Variants in GPLD1 observed in about 807,000 individuals in gnomAD.
GPLD1 encodes the protein glycosylphosphatidylinositol specific phospholipase D1, also known as phosphatidylinositol-glycan-specific phospholipase D.
In GPLD1, 84 loss-of-function variants were observed where a neutral mutation model predicts 112.6. That is an observed-to-expected ratio of 0.75 (90% CI 0.63 to 0.89). GPLD1 has a LOEUF of 0.89. Ranked by LOEUF, GPLD1 falls within the 40% of genes least tolerant of loss-of-function variation. The pLI is 0.00. For synonymous variants in GPLD1, 386 were observed against 403.8 expected, an observed-to-expected ratio of 0.96 and a Z score of 0.53; for missense variants, 1,044 against 1,051.5, an observed-to-expected ratio of 0.99 and a Z score of 0.10.
rs1343734937 is a variant in GPLD1, at chr6:24,428,021, C to A, written c.*1011G>T. Among the ~76,000 whole-genome samples, 1 of 151,820 alleles carries A rather than the reference C, an allele frequency of 6.6e-6. No homozygotes were observed. Among genetic ancestry groups the A allele is most frequent in the Non-Finnish European group, 1.5e-5 (1 of 67,948 alleles). On this transcript the variant is annotated 3_prime_UTR_variant, in exon 25 of 25. Transcript: ENST00000230036. ...ACTTGAGTGGGGAAGGTGGGAGGAA[C>A]AGAAAAGATAAAACCTTCACATGTA...
At chr6:24,429,198 T>C in intron 24 of GPLD1, 80 bp from the exon 25 acceptor site, 1 of 821,100 alleles carries the variant, frequency 1.2e-6, no homozygotes, top group Non-Finnish European at 2.0e-6. Flanking sequence ...CATCATGCTA[T>C]GCTCTAGAAA....
chr6:24,472,533 C>A (rs755933270), intron 7 of GPLD1, 49 bp downstream of exon 7: 1 of 1,029,966 alleles, frequency 9.7e-7, no homozygotes, highest in Non-Finnish European at 1.5e-6. Context: ...AAAGTCAAGG[C>A]TCTAAATGCC....
rs532630454 is a variant in GPLD1, at chr6:24,429,933, A to C, written c.2437-815T>G. Among the ~76,000 whole-genome samples the C allele has an allele frequency of 6.1e-4, 93 of 152,360 alleles. 1 individual carries two copies. The highest frequency in any genetic ancestry group is 1.0e-3 in the Non-Finnish European group (69 of 68,038). On this transcript the variant is annotated intron_variant, in intron 24 of 24. Coordinates refer to ENST00000230036, the MANE Select transcript of GPLD1 (RefSeq NM_001503.4). Reference sequence around the variant, plus strand: ...ACTGACAAAAGTTATTCTGAACCAAAGCTGGCACATGAGGTACGGGTGATC... The same window carrying C: ...ACTGACAAAAGTTATTCTGAACCAACGCTGGCACATGAGGTACGGGTGATC...
intron 10 of GPLD1, among the ~76,000 whole-genome samples, chr6:24,466,057 G>C (rs527433345): frequency 2.0e-4 from 31 of 152,306 alleles, no homozygotes; most frequent in African/African-American, 7.0e-4. Flanking sequence ...AAAAGAAACA[G>C]ATGGAGGCTG....
chr6:24,430,728 G>A (rs938453480), intron 24 of GPLD1, among the ~76,000 whole-genome samples: 9 of 152,112 alleles, frequency 5.9e-5, no homozygotes, highest in African/African-American at 1.7e-4. Context: ...TCAGAAAAAG[G>A]CCACTCTGAT....
At chr6:24,436,442 A>G in intron 22 of GPLD1, 134 bp downstream of exon 22, 1 of 722,658 alleles carries the variant, frequency 1.4e-6, no homozygotes, top group Non-Finnish European at 2.3e-6. Flanking sequence ...CCCACAAAAC[A>G]TGGACAGATG....
At chr6:24,451,719 G>T (rs1763095386) in intron 14 of GPLD1, among the ~76,000 whole-genome samples, 1 of 152,314 alleles carries the variant, frequency 6.6e-6, no homozygotes, top group East Asian at 1.9e-4. Context: ...ACATGCTGAA[G>T]GACCCACGTC....
chr6:24,429,879 T>A (rs1762349524), intron 24 of GPLD1, among the ~76,000 whole-genome samples: 1 of 152,346 alleles, frequency 6.6e-6, no homozygotes, highest in South Asian at 2.1e-4. Flanking sequence ...CAAATCTTCA[T>A]ACTCCGAGGT....
chr6:24,450,113 A>C (rs989769495), intron 14 of GPLD1, among the ~76,000 whole-genome samples: 2 of 152,244 alleles, frequency 1.3e-5, no homozygotes, highest in Non-Finnish European at 2.9e-5. Context: ...GAGGGGAAGC[A>C]GAGATGCCAG....
rs772094979 is a variant in GPLD1, at chr6:24,456,588, A to G, written c.1058T>C (p.Met353Thr). ...TGACAACTGAGAGCCACCTATGAAC[A>G]TTGTCCTTATGTTCCTTTCCAAAGC... Reference protein sequence around the residue: ...YKALERNIRTMFIGGSQLSQK... With the variant: ...YKALERNIRTTFIGGSQLSQK... The change falls in exon 13 of 25, where the codon ATG (methionine) becomes ACG (threonine). Residue 353 changes from methionine (M) to threonine (T), a missense_variant. Met to Thr is a moderately conservative substitution (Grantham distance 81). Coordinates refer to ENST00000230036, the MANE Select transcript of GPLD1 (RefSeq NM_001503.4). The G allele has an allele frequency of 3.7e-6, 6 of 1,603,964 alleles. No individual in the cohort carries two copies. The East Asian group carries it at 1.1e-4, about 30-fold the overall frequency.
intron 13 of GPLD1, among the ~76,000 whole-genome samples, chr6:24,454,860 G>A (rs1405604574): frequency 6.6e-6 from 1 of 152,252 alleles, no homozygotes; most frequent in African/African-American, 2.4e-5. Context: ...CGAGCATGGT[G>A]GCTCACGCCT....
intron 20 of GPLD1, among the ~76,000 whole-genome samples, chr6:24,443,632 T>C (rs1206788217): frequency 6.6e-6 from 1 of 152,172 alleles, no homozygotes; most frequent in African/African-American, 2.4e-5. Context: ...TTCGATTTAA[T>C]GAAAAATTTA....
chr6:24,477,079 A>G (rs113455665), intron 3 of GPLD1, among the ~76,000 whole-genome samples: 1 of 151,852 alleles, frequency 6.6e-6, no homozygotes, highest in African/African-American at 2.4e-5. Context: ...TTGCTCCCAC[A>G]GTTTTCCTAG....
In GPLD1 at chr6:24,446,939, G is replaced by C; in HGVS notation, c.1719C>G (p.Gly573=). The change falls in exon 18 of 25, where the codon GGC becomes GGG. Residue 573 remains glycine (G), a synonymous_variant. Transcript: ENST00000230036. The stretch of plus-strand genomic sequence containing the variant: ...ATCCAAACCAGGAGAAGTCTTCCTC[G>C]CCTCTCACCGTCCAGTTGGCTGCCT... ...NVEAANWTVR[G]EEDFSWFGYS... is the part of the protein sequence containing the mutation. The C allele has an allele frequency of 6.2e-7, 1 of 1,613,518 alleles. No individual in the cohort carries two copies. The highest frequency in any genetic ancestry group is 8.5e-7 in the Non-Finnish European group (1 of 1,179,664).
rs1228883070 is a variant in GPLD1 at position 24,476,193 on chromosome 6, A to T, written c.318T>A (p.Leu106=). The T allele has an allele frequency of 6.5e-7, 1 of 1,545,406 alleles. No homozygotes were observed. The highest frequency in any genetic ancestry group is 1.2e-5 in the South Asian group (1 of 85,306). Residue 106 remains leucine, a synonymous_variant, in exon 4 of 25, where the codon CTT becomes CTA. Coordinates refer to ENST00000230036, the MANE Select transcript of GPLD1 (RefSeq NM_001503.4). The stretch of plus-strand genomic sequence containing the variant: ...GGACCACGCCTACCTTCTCCCAGGG[A>T]AGGGGATAGTTCTCTCGGATATAAT... ...SVHYIRENYP[L]PWEKDTEKLV... is the part of the protein sequence containing the mutation.
chr6:24,491,654 G>A (rs1235775505), upstream of GPLD1, among the ~76,000 whole-genome samples: 1 of 151,780 alleles, frequency 6.6e-6, no homozygotes, highest in African/African-American at 2.4e-5. Flanking sequence ...GTTGCAGTGA[G>A]CTGAGATCAC....
chr6:24,452,486 G>C (rs867480346), intron 14 of GPLD1, among the ~76,000 whole-genome samples: 1 of 152,088 alleles, frequency 6.6e-6, no homozygotes, highest in Non-Finnish European at 1.5e-5. Context: ...TTTTGAAAGC[G>C]TGTTCATGGC....
chr6:24,485,875 G>C (rs1467964372), intron 2 of GPLD1, among the ~76,000 whole-genome samples, 200 bp downstream of exon 2: 1 of 151,892 alleles, frequency 6.6e-6, no homozygotes, highest in East Asian at 1.9e-4. Flanking sequence ...CTCCATATTA[G>C]TCAGGCTGGT....
chr6:24,468,233 C>T (rs1763682288), intron 7 of GPLD1, among the ~76,000 whole-genome samples: 2 of 152,072 alleles, frequency 1.3e-5, no homozygotes, highest in Admixed American at 6.6e-5. Flanking sequence ...AGTGAGATTG[C>T]TACAAAGATT....
Sources: gnomAD v4.1 joint callset for allele counts (sites outside exome capture counted in the v4.1 genomes callset) on GRCh38, gnomAD v4.1.1 for gene constraint, MANE v1.5 for transcripts, NCBI Gene and HGNC (gene_info 2026-07-23, HGNC 2026-07-21) for gene names.